PTPRM: variants seen among roughly 807,000 people sequenced by gnomAD.
PTPRM encodes protein tyrosine phosphatase receptor type M, also known as receptor-type tyrosine-protein phosphatase mu.
PTPRM carries 47 observed loss-of-function variants against 186.7 expected under a neutral mutation model. That is an observed-to-expected ratio of 0.25 (90% CI 0.20 to 0.32). The LOEUF (loss-of-function observed/expected upper bound fraction) is 0.32. Ranked by LOEUF, PTPRM falls within the 10% of genes least tolerant of loss-of-function variation. The pLI, the probability that PTPRM is intolerant of heterozygous loss-of-function variation, is 1.00. For synonymous variants in PTPRM, 668 were observed against 674.9 expected, an observed-to-expected ratio of 0.99 and a Z score of 0.16; for missense variants, 1,494 against 1,865.0, an observed-to-expected ratio of 0.80 and a Z score of 3.66.
chr18:7,635,684 T>C (rs1046787577), intron 1 of PTPRM, among the ~76,000 whole-genome samples: 6 of 152,240 alleles, frequency 3.9e-5, no homozygotes, highest in African/African-American at 1.2e-4. Flanking sequence ...TTGCTCATAT[T>C]GAGCCCAAAC....
At chr18:8,366,485 A>G (rs1382062548) in intron 23 of PTPRM, among the ~76,000 whole-genome samples, 1 of 152,202 alleles carries the variant, frequency 6.6e-6, no homozygotes, top group Non-Finnish European at 1.5e-5. Flanking sequence ...GGTTACAGTC[A>G]TGTGCTGGCA....
chr18:8,138,595 A>C (rs779441580), intron 13 of PTPRM, among the ~76,000 whole-genome samples: 11 of 152,134 alleles, frequency 7.2e-5, no homozygotes, highest in Non-Finnish European at 1.2e-4. Flanking sequence ...CCATCAAAAG[A>C]GACCTTTCAA....
At chr18:8,158,876 A>G (rs939933224) in intron 14 of PTPRM, among the ~76,000 whole-genome samples, 1 of 152,150 alleles carries the variant, frequency 6.6e-6, no homozygotes, top group African/African-American at 2.4e-5. Context: ...GAACTCACTC[A>G]CCACCAAAGG....
chr18:8,162,462 C>T (rs1171784956), intron 14 of PTPRM, among the ~76,000 whole-genome samples: 2 of 152,292 alleles, frequency 1.3e-5, no homozygotes, highest in African/African-American at 2.4e-5. Flanking sequence ...AAAACAACTC[C>T]GCCAGTGTAG....
chr18:7,901,512 G>A (rs186626620), intron 3 of PTPRM, among the ~76,000 whole-genome samples: 17 of 152,146 alleles, frequency 1.1e-4, no homozygotes, highest in Admixed American at 9.8e-4. Flanking sequence ...GACTACAGGC[G>A]CCCGCCAACA....
chr18:7,851,734 G>A (rs1561653), intron 2 of PTPRM, among the ~76,000 whole-genome samples: 121,330 of 152,072 alleles, frequency 0.8, 49,258 homozygotes, highest in East Asian at 1. Flanking sequence ...ATGATCCTAG[G>A]TAAAGCATGA....
At chr18:8,063,920 A>G (rs1194901334) in intron 7 of PTPRM, among the ~76,000 whole-genome samples, 1 of 152,182 alleles carries the variant, frequency 6.6e-6, no homozygotes, top group Non-Finnish European at 1.5e-5. Context: ...ATTACCTAAC[A>G]TTCAACATTA....
At position 8,002,707 on chromosome 18, in the gene PTPRM, G is replaced by T. The variant is rs2083941485; in HGVS notation, c.1132+47293G>T. ...TTGAGTGGCAAGACCCAGCAATCTT[G>T]TTTTAACAAGTCTTGCTGGTGATTC... On this transcript the variant is annotated intron_variant, in intron 7 of 32. Transcript: ENST00000580170. Among the ~76,000 whole-genome samples, 3 of 152,202 alleles carry T rather than the reference G, an allele frequency of 2.0e-5. No homozygotes were observed. In the South Asian group the frequency reaches 6.2e-4, roughly 32 times the overall value.
chr18:7,801,104 A>C (rs981262330), intron 2 of PTPRM, among the ~76,000 whole-genome samples: 3 of 152,126 alleles, frequency 2.0e-5, no homozygotes, highest in African/African-American at 7.2e-5. Context: ...GGCTGCATTA[A>C]ATTTATTTAA....
intron 4 of PTPRM, among the ~76,000 whole-genome samples, chr18:7,925,005 GA>G (rs762508607): frequency 6.6e-6 from 1 of 152,112 alleles, no homozygotes; most frequent in Non-Finnish European, 1.5e-5. Context: ...TGGAAATGGA[GA>G]AAATATCTCC....
intron 5 of PTPRM, among the ~76,000 whole-genome samples, chr18:7,937,319 T>C (rs1463974785): frequency 6.6e-6 from 1 of 152,202 alleles, no homozygotes; most frequent in East Asian, 1.9e-4. Context: ...CTGCAGTTCC[T>C]GGTGTCTGAA....
intron 13 of PTPRM, among the ~76,000 whole-genome samples, chr18:8,119,321 T>G (rs574955559): frequency 6.6e-6 from 1 of 152,306 alleles, no homozygotes; most frequent in East Asian, 1.9e-4. Context: ...CACTGTTTTG[T>G]TCAATGAAAT....
At chr18:7,698,945 G>C (rs1351990526) in intron 1 of PTPRM, among the ~76,000 whole-genome samples, 1 of 152,036 alleles carries the variant, frequency 6.6e-6, no homozygotes, top group Non-Finnish European at 1.5e-5. Context: ...CTTTAAATCA[G>C]GGGTCCCCAA....
At chr18:8,191,058 G>A (rs929669172) in intron 14 of PTPRM, among the ~76,000 whole-genome samples, 6 of 152,212 alleles carry the variant, frequency 3.9e-5, no homozygotes, top group Admixed American at 1.3e-4. Context: ...CTAAAAAGGA[G>A]TTACCAGGAA....
At position 7,604,214 on chromosome 18, in the gene PTPRM, G is replaced by T. The variant is rs530691406; in HGVS notation, c.73+36323G>T. Among the ~76,000 whole-genome samples the T allele has an allele frequency of 2.0e-5, 3 of 152,318 alleles. No homozygotes were observed. The East Asian group carries it at 5.8e-4, about 29-fold the overall frequency. On this transcript the variant is annotated intron_variant, in intron 1 of 32. Transcript: ENST00000580170. ...GTTGTTCCAATTCTTTTCATGCCGA[G>T]CAGGGCTTTACACTAAATTTGGGAC...
intron 19 of PTPRM, among the ~76,000 whole-genome samples, chr18:8,280,413 G>T (rs1014009886): frequency 2.5e-4 from 4 of 16,304 alleles, no homozygotes; most frequent in East Asian, 1.1e-3. Flanking sequence ...TCGGGGGTGG[G>T]GGGGGGGTCA....
At chr18:8,347,559 G>A (rs2095512015) in intron 23 of PTPRM, among the ~76,000 whole-genome samples, 1 of 152,184 alleles carries the variant, frequency 6.6e-6, no homozygotes, top group African/African-American at 2.4e-5. Context: ...GTTTAGAAAA[G>A]GAATGAAAAT....
chr18:8,371,023 C>T lies in PTPRM; in HGVS notation c.3171+17C>T, dbSNP rs757888576. 1.2e-4 allele frequency: 171 copies of T among 1,457,710 alleles called. No individual in the cohort carries two copies. Among genetic ancestry groups the T allele is most frequent in the Non-Finnish European group, 1.6e-4 (167 of 1,044,244 alleles). 90.3% of individuals were successfully genotyped at this position (1,457,710 alleles called of 1,614,324 possible). A position where few individuals can be genotyped will look rare whatever the true frequency, so the allele number is the denominator to read the frequency against. ...GTTGAAAAGGTAAGTTTTCATACTG[C>T]TTTTAAAAGCTATGGTCAGACACTA... On this transcript the variant is annotated intron_variant, in intron 24 of 32. Transcript: ENST00000580170.
At chr18:7,834,761 G>T (rs148182197) in intron 2 of PTPRM, among the ~76,000 whole-genome samples, 3 of 151,712 alleles carry the variant, frequency 2.0e-5, no homozygotes, top group Non-Finnish European at 2.9e-5. Flanking sequence ...TTACTATAAG[G>T]CTTTTTATTA....
Sources: allele counts gnomAD v4.1 joint callset (sites outside exome capture counted in the v4.1 genomes callset), GRCh38; gene constraint gnomAD v4.1.1; transcripts MANE v1.5; gene names NCBI Gene and HGNC (gene_info 2026-07-23, HGNC 2026-07-21).